Variants in RANBP2 observed in about 807,000 individuals in gnomAD.
The protein encoded by RANBP2 is E3 SUMO-protein ligase RanBP2.
Under a neutral mutation model 303.6 loss-of-function variants are expected in RANBP2, and 57 were observed. The observed-to-expected ratio is 0.19, with a 90% CI of 0.15 to 0.23. RANBP2 has a LOEUF of 0.23. Among genes scored for constraint, RANBP2 ranks in the 10% least tolerant of loss-of-function variants. The pLI is 1.00. For synonymous variants in RANBP2, 1,167 were observed against 1,301.5 expected, an observed-to-expected ratio of 0.90 and a Z score of 2.23; for missense variants, 3,138 against 3,780.8, an observed-to-expected ratio of 0.83 and a Z score of 4.46.
the RANBP2 span, among the ~76,000 whole-genome samples, chr2:109,445,968 A>G: frequency 6.6e-6 from 1 of 152,116 alleles, no homozygotes; most frequent in African/African-American, 2.4e-5. Context: ...AAACACACCA[A>G]AAGTTTAAAG....
the RANBP2 span, among the ~76,000 whole-genome samples, chr2:109,762,013 CTT>C: frequency 6.9e-6 from 1 of 145,576 alleles, no homozygotes; most frequent in African/African-American, 2.5e-5. Flanking sequence ...TTTCCAGTGA[CTT>C]TTATTTTCCT....
chr2:109,712,741 A>G, the RANBP2 span, among the ~76,000 whole-genome samples: 1 of 152,192 alleles, frequency 6.6e-6, no homozygotes, highest in African/African-American at 2.4e-5. Flanking sequence ...TTTAAAAATT[A>G]TATTTTACAA....
At chr2:108,926,712 G>A in the RANBP2 span, among the ~76,000 whole-genome samples, 1 of 152,196 alleles carries the variant, frequency 6.6e-6, no homozygotes, top group Non-Finnish European at 1.5e-5. Context: ...GCTGCTCATT[G>A]TTCAGCAAGT....
chr2:108,999,810 G>C, the RANBP2 span, among the ~76,000 whole-genome samples: 1 of 152,300 alleles, frequency 6.6e-6, no homozygotes, highest in African/African-American at 2.4e-5. Context: ...GAGGCATGGG[G>C]AGAAATGAAG....
chr2:108,735,156 C>T (rs531745668), intron 4 of RANBP2, among the ~76,000 whole-genome samples: 3 of 152,132 alleles, frequency 2.0e-5, no homozygotes, highest in East Asian at 1.9e-4. Context: ...AGAGGGGATG[C>T]GGGATTGAGT....
At chr2:109,089,502 A>G in the RANBP2 span, among the ~76,000 whole-genome samples, 2 of 151,896 alleles carry the variant, frequency 1.3e-5, no homozygotes, top group African/African-American at 4.8e-5. Flanking sequence ...GCTACTTGGG[A>G]GGCTGAGATG....
At chr2:109,461,101 T>C in the RANBP2 span, among the ~76,000 whole-genome samples, 10 of 152,248 alleles carry the variant, frequency 6.6e-5, no homozygotes, top group African/African-American at 1.9e-4. Flanking sequence ...TTTAGGCCAC[T>C]TCCTCATGTA....
chr2:109,132,733 G>A, the RANBP2 span, among the ~76,000 whole-genome samples: 1 of 152,200 alleles, frequency 6.6e-6, no homozygotes, highest in Non-Finnish European at 1.5e-5. Context: ...AGTTGCTAAT[G>A]TATGCTAAAT....
chr2:109,606,487 C>G, the RANBP2 span, among the ~76,000 whole-genome samples: 1 of 152,054 alleles, frequency 6.6e-6, no homozygotes, highest in South Asian at 2.1e-4. Context: ...ACTTCAGCAT[C>G]TGGTAGCATT....
At chr2:109,376,433 G>A in the RANBP2 span, among the ~76,000 whole-genome samples, 3 of 152,328 alleles carry the variant, frequency 2.0e-5, no homozygotes, top group South Asian at 4.1e-4. Flanking sequence ...GAGCCTGGGT[G>A]GGTGGCTTGC....
chr2:109,629,638 C>G, the RANBP2 span, among the ~76,000 whole-genome samples: 10 of 151,368 alleles, frequency 6.6e-5, no homozygotes, highest in Non-Finnish European at 1.3e-4. Context: ...TGGTGAAACC[C>G]CGTCTCTACT....
the RANBP2 span, among the ~76,000 whole-genome samples, chr2:109,428,609 T>G: frequency 1.3e-5 from 2 of 152,242 alleles, no homozygotes; most frequent in Admixed American, 6.5e-5. Flanking sequence ...AGGCGCTTTT[T>G]CTCATTGGCA....
the RANBP2 span, among the ~76,000 whole-genome samples, chr2:109,013,483 A>G: frequency 6.6e-6 from 1 of 152,248 alleles, no homozygotes. Context: ...GTACAAATAC[A>G]TCATTAGAAA....
the RANBP2 span, among the ~76,000 whole-genome samples, chr2:109,523,958 C>A: frequency 1.2e-3 from 188 of 152,322 alleles, 2 homozygotes; most frequent in African/African-American, 4.3e-3. Flanking sequence ...CACAGCCCTG[C>A]CCCATGTAGC....
At chr2:109,357,101 T>G in the RANBP2 span, among the ~76,000 whole-genome samples, 1 of 150,830 alleles carries the variant, frequency 6.6e-6, no homozygotes, top group Non-Finnish European at 1.5e-5. Context: ...ATTTAATACT[T>G]ATACATAACA....
At chr2:108,792,980 C>G in the RANBP2 span, among the ~76,000 whole-genome samples, 8 of 151,848 alleles carry the variant, frequency 5.3e-5, no homozygotes. Flanking sequence ...AGGAGAATCA[C>G]TTGAACCCGG....
chr2:109,561,150 C>T, the RANBP2 span, among the ~76,000 whole-genome samples: 1 of 152,150 alleles, frequency 6.6e-6, no homozygotes, highest in African/African-American at 2.4e-5. Flanking sequence ...CTCACGTGAG[C>T]CCAGGCCTGC....
At chr2:108,964,362 G>A in the RANBP2 span, among the ~76,000 whole-genome samples, 1 of 152,148 alleles carries the variant, frequency 6.6e-6, no homozygotes, top group Admixed American at 6.5e-5. Flanking sequence ...GCCACATGAT[G>A]CCACGGCTCC....
At chr2:109,536,270 G>A in the RANBP2 span, among the ~76,000 whole-genome samples, 4 of 152,288 alleles carry the variant, frequency 2.6e-5, no homozygotes, top group Admixed American at 1.3e-4. Flanking sequence ...AAGCAGCCAC[G>A]AGGGAGGATA....
Sources: allele counts gnomAD v4.1 joint callset (sites outside exome capture counted in the v4.1 genomes callset), GRCh38; gene constraint gnomAD v4.1.1; transcripts MANE v1.5; gene names NCBI Gene and HGNC (gene_info 2026-07-23, HGNC 2026-07-21).